Variants in RGS7BP observed in about 807,000 individuals in gnomAD.
RGS7BP encodes regulator of G protein signaling 7-binding protein.
RGS7BP carries 9 observed loss-of-function variants against 31.3 expected under a neutral mutation model. That is an observed-to-expected ratio of 0.29 (90% CI 0.17 to 0.50). The LOEUF is 0.50. Ranked by LOEUF, RGS7BP falls within the 20% of genes least tolerant of loss-of-function variation. The pLI is 0.98. For synonymous variants in RGS7BP, 115 were observed against 120.1 expected, an observed-to-expected ratio of 0.96 and a Z score of 0.28; for missense variants, 274 against 322.0, an observed-to-expected ratio of 0.85 and a Z score of 1.14.
chr5:64,598,510 T>C, intron 5 of RGS7BP, 75 bp downstream of exon 5: 1 of 912,214 alleles, frequency 1.1e-6, no homozygotes, highest in South Asian at 1.3e-5. Context: ...TCTTGGAAAT[T>C]AAAGCATGTG....
At position 64,577,373 on chromosome 5, in the gene RGS7BP, C is replaced by T. The variant is rs1039753226; in HGVS notation, c.463+1469C>T. ...AGGAGAATGGCATGAACCTGGGAGG[C>T]GGAGCTTGCAGTGAGCCAAGATCCG... is the stretch of plus-strand genomic sequence containing the variant. On this transcript the variant is annotated intron_variant, in intron 3 of 5. Transcript: ENST00000334025. Among the ~76,000 whole-genome samples, 14 of 152,030 alleles carry T rather than the reference C, an allele frequency of 9.2e-5. No homozygotes were observed. In the South Asian group the frequency reaches 1.0e-3, roughly 11 times the overall value.
At chr5:64,528,016 C>T (rs1749275567) in intron 2 of RGS7BP, among the ~76,000 whole-genome samples, 1 of 152,182 alleles carries the variant, frequency 6.6e-6, no homozygotes, top group South Asian at 2.1e-4. Context: ...ATTATATCTC[C>T]ATAGGTAGAG....
At chr5:64,541,709 T>A (rs932502868) in intron 2 of RGS7BP, among the ~76,000 whole-genome samples, 6 of 152,244 alleles carry the variant, frequency 3.9e-5, no homozygotes, top group Non-Finnish European at 7.3e-5. Flanking sequence ...ATTTGACAAT[T>A]ATTTGTTTAT....
At chr5:64,604,185 C>T (rs1253464825) in intron 5 of RGS7BP, among the ~76,000 whole-genome samples, 3 of 152,242 alleles carry the variant, frequency 2.0e-5, no homozygotes, top group African/African-American at 7.2e-5. Context: ...TTTATTCACA[C>T]TGTTCTCTCC....
At position 64,506,565 on chromosome 5, in the gene RGS7BP, C is replaced by A. The variant is rs1045026099; in HGVS notation, c.-60C>A. The A allele has an allele frequency of 3.3e-6, 5 of 1,506,204 alleles. No individual in the cohort carries two copies. Among genetic ancestry groups the A allele is most frequent in the Admixed American group, 3.9e-5 (2 of 51,790 alleles). The allele number at this position is 1,506,204 out of a possible 1,614,324, so 93.3% of individuals were successfully genotyped here. A position where few individuals can be genotyped will look rare whatever the true frequency, so the allele number is the denominator to read the frequency against. On this transcript the variant is annotated 5_prime_UTR_variant, in exon 1 of 6. Transcript: ENST00000334025. The surrounding 1 kb of genome is among the most constrained non-coding windows in gnomAD (Gnocchi z 4.6). ...TTGGCGGCGGCGCCCAGGGCAACAA[C>A]CGGGCCGCCCGCGCCGGGGCGCACT...
intron 2 of RGS7BP, among the ~76,000 whole-genome samples, chr5:64,514,138 T>C (rs1422648403): frequency 6.6e-6 from 1 of 152,204 alleles, no homozygotes; most frequent in Non-Finnish European, 1.5e-5. Flanking sequence ...ACATGGCCTT[T>C]TCCTTGTGTG....
rs545543473 is a variant in RGS7BP, at chr5:64,579,848, C to T, written c.463+3944C>T. ...ATTCTCACCATTAATTTCTTTATTA[C>T]ACCTAAGGGATTAACACTATATTAA... On this transcript the variant is annotated intron_variant, in intron 3 of 5. Coordinates refer to ENST00000334025, the MANE Select transcript of RGS7BP (RefSeq NM_001029875.3). Among the ~76,000 whole-genome samples the T allele has an allele frequency of 7.2e-5, 11 of 152,186 alleles. 1 individual carries two copies. The South Asian group carries it at 2.3e-3, about 32-fold the overall frequency.
chr5:64,544,547 G>T (rs1741603995), intron 2 of RGS7BP, among the ~76,000 whole-genome samples: 1 of 151,618 alleles, frequency 6.6e-6, no homozygotes, highest in Non-Finnish European at 1.5e-5. Context: ...AGTGGTGCAT[G>T]CCTATAGTCC....
At chr5:64,574,321 T>A (rs2111895800) in intron 2 of RGS7BP, among the ~76,000 whole-genome samples, 1 of 151,976 alleles carries the variant, frequency 6.6e-6, no homozygotes, top group East Asian at 1.9e-4. Context: ...TGTGTGTATG[T>A]CTGGGTATGT....
At position 64,600,060 on chromosome 5, in the gene RGS7BP, C is replaced by T. The variant is rs559208010; in HGVS notation, c.682+1625C>T. 4.6e-5 allele frequency among the ~76,000 whole-genome samples: 7 copies of T among 152,336 alleles called. No individual in the cohort carries two copies. In the South Asian group the frequency reaches 1.2e-3, roughly 27 times the overall value. ...ATAGAGGAATCCCTGCTACCACTCACTCTGCAACAGACCACGTGTAGTGTA... is the reference window on the plus strand; with the variant it reads ...ATAGAGGAATCCCTGCTACCACTCATTCTGCAACAGACCACGTGTAGTGTA... On this transcript the variant is annotated intron_variant, in intron 5 of 5. Transcript: ENST00000334025.
chr5:64,507,006 A>G (rs779512794), intron 1 of RGS7BP, among the ~76,000 whole-genome samples: 4 of 152,120 alleles, frequency 2.6e-5, no homozygotes, highest in Non-Finnish European at 5.9e-5. Context: ...TGTGACAGCA[A>G]GGGTCTTGGG....
At chr5:64,525,126 G>T (rs1749199398) in intron 2 of RGS7BP, among the ~76,000 whole-genome samples, 2 of 151,930 alleles carry the variant, frequency 1.3e-5, no homozygotes, top group South Asian at 4.2e-4. Flanking sequence ...CTTTTTCTAG[G>T]TCTGTTTCCC....
intron 5 of RGS7BP, among the ~76,000 whole-genome samples, chr5:64,606,572 G>A (rs1463911227): frequency 6.6e-6 from 1 of 152,086 alleles, no homozygotes; most frequent in Non-Finnish European, 1.5e-5. Context: ...AGAGTCCAAA[G>A]AGACACTGAA....
At chr5:64,600,354 A>G (rs1202852105) in intron 5 of RGS7BP, among the ~76,000 whole-genome samples, 3 of 152,138 alleles carry the variant, frequency 2.0e-5, no homozygotes. Flanking sequence ...GTGATCATTC[A>G]TCCAGCAGTT....
At chr5:64,575,008 T>C (rs1742383114) in intron 2 of RGS7BP, among the ~76,000 whole-genome samples, 1 of 152,244 alleles carries the variant, frequency 6.6e-6, no homozygotes, top group South Asian at 2.1e-4. Context: ...GCATATAAAA[T>C]AAAGTATTAT....
At chr5:64,511,173 C>T (rs1337795043) in intron 2 of RGS7BP, among the ~76,000 whole-genome samples, 1 of 152,242 alleles carries the variant, frequency 6.6e-6, no homozygotes, top group Admixed American at 6.5e-5. Flanking sequence ...GTGGAGCTCA[C>T]GGGAGAAGAA....
intron 5 of RGS7BP, chr5:64,601,492 T>C: frequency 2.2e-6 from 2 of 915,990 alleles, no homozygotes; most frequent in Non-Finnish European, 2.6e-6. Flanking sequence ...TTTTAATGGT[T>C]AGTGATTATG....
At chr5:64,529,098 A>G (rs1749308873) in intron 2 of RGS7BP, among the ~76,000 whole-genome samples, 2 of 152,198 alleles carry the variant, frequency 1.3e-5, no homozygotes, top group African/African-American at 4.8e-5. Context: ...GATAGAATAA[A>G]AATAGTTTGG....
intron 3 of RGS7BP, among the ~76,000 whole-genome samples, chr5:64,580,825 G>T (rs1479503800): frequency 6.6e-6 from 1 of 152,116 alleles, no homozygotes; most frequent in Non-Finnish European, 1.5e-5. Context: ...ATAGTCCCCA[G>T]AGTTTTAGGG....
Sources: allele counts gnomAD v4.1 joint callset (sites outside exome capture counted in the v4.1 genomes callset), GRCh38; gene constraint gnomAD v4.1.1; non-coding constraint Gnocchi (gnomAD v3.1); transcripts MANE v1.5; gene names NCBI Gene and HGNC (gene_info 2026-07-23, HGNC 2026-07-21).